Variants in DOCK8 observed in about 807,000 individuals in gnomAD.
The protein encoded by DOCK8 is dedicator of cytokinesis 8.
In DOCK8, 141 loss-of-function variants were observed where a neutral mutation model predicts 245.6. The observed-to-expected ratio is 0.57, with a 90% CI of 0.50 to 0.66. The LOEUF is 0.66. DOCK8 is among the 30% of genes least tolerant of loss of function. DOCK8 has a pLI of 0.00. For synonymous variants in DOCK8, 1,168 were observed against 970.2 expected (o/e 1.20, Z -3.79); for missense variants, 2,965 against 2,603.4 (o/e 1.14, Z -3.02).
At chr9:415,049 T>C in intron 29 of DOCK8, 98 bp downstream of exon 29, 4 of 1,490,886 alleles carry the variant, frequency 2.7e-6, no homozygotes, top group Non-Finnish European at 3.7e-6. Flanking sequence ...TGCTGATATG[T>C]TCATATGAGC....
At chr9:221,881 A>G (rs981596173) in intron 1 of DOCK8, among the ~76,000 whole-genome samples, 6 of 152,052 alleles carry the variant, frequency 3.9e-5, no homozygotes, top group Admixed American at 1.3e-4. Context: ...GCTGCATTAT[A>G]ATTTACATAG....
At chr9:383,150 A>T (rs1192780441) in intron 22 of DOCK8, among the ~76,000 whole-genome samples, 1 of 152,188 alleles carries the variant, frequency 6.6e-6, no homozygotes, top group African/African-American at 2.4e-5. Flanking sequence ...CTGTAATCCT[A>T]GCACTTTGGG....
At chr9:414,420 A>G (rs1186400139) in intron 28 of DOCK8, among the ~76,000 whole-genome samples, 1 of 152,270 alleles carries the variant, frequency 6.6e-6, no homozygotes, top group East Asian at 1.9e-4. Context: ...GTTAGAACAC[A>G]GGCAGTCTGT....
At chr9:267,847 T>TA (rs1276955958) in intron 1 of DOCK8, 2 of 152,280 alleles carry the variant, frequency 1.3e-5, no homozygotes, top group African/African-American at 4.8e-5. Flanking sequence ...CATGCTATCA[T>TA]ATACAGAATT....
chr9:303,527 A>G (rs910749825), intron 4 of DOCK8, among the ~76,000 whole-genome samples: 1 of 152,188 alleles, frequency 6.6e-6, no homozygotes, highest in African/African-American at 2.4e-5. Context: ...ATCCTAAACA[A>G]ATTAACACAG....
intron 1 of DOCK8, among the ~76,000 whole-genome samples, chr9:216,885 A>G (rs2046768198): frequency 6.6e-6 from 1 of 152,136 alleles, no homozygotes; most frequent in Non-Finnish European, 1.5e-5. Flanking sequence ...GGTTAAGAAT[A>G]AAGGCCCTGG....
At chr9:219,257 G>T (rs1008766472) in intron 1 of DOCK8, among the ~76,000 whole-genome samples, 6 of 152,124 alleles carry the variant, frequency 3.9e-5, no homozygotes, top group African/African-American at 1.4e-4. Flanking sequence ...ATCACCTGAG[G>T]TCAGGAGTTC....
chr9:322,501 G>A (rs190569924), intron 7 of DOCK8, among the ~76,000 whole-genome samples: 80 of 148,656 alleles, frequency 5.4e-4, no homozygotes, highest in African/African-American at 2.0e-3. Flanking sequence ...TGTAGACTTT[G>A]GCAAGTTCCT....
At chr9:318,287 G>A (rs1416959960) in intron 7 of DOCK8, among the ~76,000 whole-genome samples, 2 of 152,150 alleles carry the variant, frequency 1.3e-5, no homozygotes, top group African/African-American at 4.8e-5. Context: ...TATACTATTA[G>A]ATGGGTCATC....
At position 286,572 on chromosome 9, in the gene DOCK8, G is replaced by A. The variant is rs113165814; in HGVS notation, c.268G>A (p.Asp90Asn). The part of the protein sequence containing the change: ...AQELGDFTDD[D>N]LDVVFTPKEC... Reference sequence around the variant, plus strand: ...GGAGCTCGGGGACTTCACTGATGACGACTTGGACGTGGTGTTCACGCCAAA... The same window carrying A: ...GGAGCTCGGGGACTTCACTGATGACAACTTGGACGTGGTGTTCACGCCAAA... The change falls in exon 3 of 48, where the codon GAC becomes AAC. Residue 90 changes from aspartate (D) to asparagine (N), a missense_variant. By Grantham distance (23) the Asp-to-Asn change is conservative. Transcript: ENST00000432829. 13 of 1,613,924 alleles carry A rather than the reference G, an allele frequency of 8.1e-6. No homozygotes were observed. Among genetic ancestry groups the A allele is most frequent in the South Asian group, 1.1e-5 (1 of 91,060 alleles).
At chr9:322,613 T>A (rs1225411196) in intron 7 of DOCK8, among the ~76,000 whole-genome samples, 3 of 152,254 alleles carry the variant, frequency 2.0e-5, no homozygotes, top group Non-Finnish European at 2.9e-5. Context: ...GCACTTATTA[T>A]AACACAATTT....
intron 26 of DOCK8, among the ~76,000 whole-genome samples, chr9:399,990 C>T (rs1053494977): frequency 1.1e-5 from 1 of 93,504 alleles, no homozygotes; most frequent in Non-Finnish European, 2.2e-5. Context: ...CACCACCTCC[C>T]ACCACCTCCA....
intron 1 of DOCK8, among the ~76,000 whole-genome samples, chr9:236,627 A>G (rs2047255478): frequency 6.6e-6 from 1 of 152,206 alleles, no homozygotes; most frequent in Non-Finnish European, 1.5e-5. Context: ...GAAGAGGAAT[A>G]TTGAGGCTTC....
intron 1 of DOCK8, among the ~76,000 whole-genome samples, chr9:251,884 A>G (rs911837532): frequency 2.0e-4 from 30 of 152,104 alleles, no homozygotes; most frequent in Non-Finnish European, 3.1e-4. Flanking sequence ...TTAATGGTGC[A>G]TTATTTTAAG....
intron 1 of DOCK8, among the ~76,000 whole-genome samples, chr9:264,968 G>T (rs1023847178): frequency 6.6e-6 from 1 of 152,072 alleles, no homozygotes; most frequent in Non-Finnish European, 1.5e-5. Flanking sequence ...TCTCGCTCTT[G>T]TCCCCCAGGC....
upstream of DOCK8, among the ~76,000 whole-genome samples, chr9:211,403 C>A (rs2046617940): frequency 6.6e-6 from 1 of 151,236 alleles, no homozygotes. Flanking sequence ...AGGAAGTCAC[C>A]AAAGCTAAAT....
chr9:351,473 G>A (rs559408363), intron 14 of DOCK8, among the ~76,000 whole-genome samples: 1 of 152,234 alleles, frequency 6.6e-6, no homozygotes, highest in East Asian at 1.9e-4. Context: ...ACAAAGCTGT[G>A]ATTACAGCTG....
At chr9:371,665 C>T in intron 17 of DOCK8, 99 bp downstream of exon 17, 2 of 1,531,536 alleles carry the variant, frequency 1.3e-6, no homozygotes, top group Non-Finnish European at 1.8e-6. Context: ...TGATTTTTTC[C>T]AGTCAGAAGT....
chr9:400,270 A>T (rs1415143817), intron 26 of DOCK8, among the ~76,000 whole-genome samples: 2 of 79,288 alleles, frequency 2.5e-5, no homozygotes, highest in Non-Finnish European at 4.7e-5. Context: ...CACCTCCACC[A>T]TCACCACCAC....
Sources: allele counts gnomAD v4.1 joint callset (sites outside exome capture counted in the v4.1 genomes callset), GRCh38; gene constraint gnomAD v4.1.1; transcripts MANE v1.5; gene names NCBI Gene and HGNC (gene_info 2026-07-23, HGNC 2026-07-21).